AMER3: variants seen among roughly 807,000 people sequenced by gnomAD.
AMER3 encodes APC membrane recruitment protein 3.
For synonymous variants in AMER3, 541 were observed against 485.5 expected (o/e 1.11, Z -1.50); for missense variants, 1,201 against 1,139.4 (o/e 1.05, Z -0.78).
chr2:130,758,243 AGTCC>A lies in AMER3; in HGVS notation c.-20+2570_-20+2573del, dbSNP rs1235794226. Among the ~76,000 whole-genome samples, 3 of 152,310 alleles carry A rather than the reference AGTCC, an allele frequency of 2.0e-5. No individual in the cohort carries two copies. The East Asian group carries it at 5.8e-4, about 29-fold the overall frequency. On this transcript the variant is annotated intron_variant, in intron 1 of 1. Transcript: ENST00000321420. ...ACTGGGCGTGGTGGTGCGTGCCTGT[AGTCC>A]CAGCTATTCAGGAGGCTGAAGCAGG...
chr2:130,760,288 G>A (rs1458934057), intron 1 of AMER3, among the ~76,000 whole-genome samples: 1 of 152,200 alleles, frequency 6.6e-6, no homozygotes, highest in East Asian at 1.9e-4. Context: ...GGTGGAGCCT[G>A]GTCAGCTTGC....
Position 130,762,993 on chromosome 2 carries a change from C to T in AMER3, c.921C>T (p.Thr307=), listed in dbSNP as rs186201647. 1.1e-5 allele frequency: 17 copies of T among 1,613,326 alleles called. No homozygotes were observed. In the East Asian group the frequency reaches 3.3e-4, roughly 32 times the overall value. ...CCCAGAATGAAGCCTCTGACTTCAC[C>T]AGGTTCTGGGACAGTGTGAATCGCT... The part of the protein sequence containing the change: ...SPAQNEASDF[T]RFWDSVNRSV... The change falls in exon 2 of 2, where the codon ACC becomes ACT. Residue 307 remains threonine (T), a synonymous_variant. Coordinates refer to ENST00000321420, the MANE Select transcript of AMER3 (RefSeq NM_152698.3).
At chr2:130,760,355 A>G (rs987756305) in intron 1 of AMER3, among the ~76,000 whole-genome samples, 5 of 152,144 alleles carry the variant, frequency 3.3e-5, no homozygotes, top group African/African-American at 1.2e-4. Flanking sequence ...CTTGGCCTCA[A>G]CGTGCCCACT....
chr2:130,755,730 C>T (rs1678582088), intron 1 of AMER3, 56 bp downstream of exon 1: 1 of 152,390 alleles, frequency 6.6e-6, no homozygotes, highest in South Asian at 2.1e-4. Flanking sequence ...GAGTCAGGTC[C>T]CTTCTCCAAG....
intron 1 of AMER3, among the ~76,000 whole-genome samples, chr2:130,760,603 C>G (rs1678747551): frequency 6.6e-6 from 1 of 152,156 alleles, no homozygotes; most frequent in Admixed American, 6.5e-5. Flanking sequence ...GCAGTCTCTT[C>G]CTGGCCAGAC....
chr2:130,764,287 A>T lies in AMER3; in HGVS notation c.2215A>T (p.Ser739Cys). ...TTIHGLPYSASTQDQRCRDRV... is the reference protein window; with the variant it reads ...TTIHGLPYSACTQDQRCRDRV... ...CATCCATGGCCTACCCTACTCAGCC[A>T]GCACACAGGACCAGAGGTGTCGAGA... Residue 739 changes from serine (S) to cysteine (C), a missense_variant, in exon 2 of 2, where the codon AGC (serine) becomes TGC (cysteine). Transcript: ENST00000321420. 6.2e-7 allele frequency: 1 copy of T among 1,608,970 alleles called. No individual in the cohort carries two copies. Among genetic ancestry groups the T allele is most frequent in the Non-Finnish European group, 8.5e-7 (1 of 1,177,070 alleles).
intron 1 of AMER3, among the ~76,000 whole-genome samples, chr2:130,756,803 A>G (rs556789539): frequency 6.3e-4 from 95 of 151,756 alleles, no homozygotes; most frequent in African/African-American, 2.2e-3. Flanking sequence ...TTTCTGTTTT[A>G]TTCCCCATTC....
rs575101949 is a variant in AMER3 at position 130,760,416 on chromosome 2, C to T, written c.-19-1638C>T. On this transcript the variant is annotated intron_variant, in intron 1 of 1. Transcript: ENST00000321420. ...CCTGGGTCCTCATGAAGAAGCATTT[C>T]AGGGTCTCTGGCAGGTAGCTGCAAA... is the stretch of plus-strand genomic sequence containing the variant. Among the ~76,000 whole-genome samples the T allele has an allele frequency of 5.9e-5, 9 of 152,330 alleles. No individual in the cohort carries two copies. In the South Asian group the frequency reaches 1.9e-3, roughly 32 times the overall value.
Position 130,764,665 on chromosome 2 carries a change from C to G in AMER3, c.*7C>G. ...GGCTGAGCCCCATCTGTAGGACAGG[C>G]TCACATGCACCAGGAACTGCATGTG... On this transcript the variant is annotated 3_prime_UTR_variant, in exon 2 of 2. Transcript: ENST00000321420. 1 of 1,589,632 alleles carries G rather than the reference C, an allele frequency of 6.3e-7. No homozygotes were observed. Among genetic ancestry groups the G allele is most frequent in the Non-Finnish European group, 8.5e-7 (1 of 1,170,830 alleles).
chr2:130,763,000 T>C lies in AMER3; in HGVS notation c.928T>C (p.Trp310Arg). ...TGAAGCCTCTGACTTCACCAGGTTCTGGGACAGTGTGAATCGCTCAGTGCG... is the reference window on the plus strand; with the variant it reads ...TGAAGCCTCTGACTTCACCAGGTTCCGGGACAGTGTGAATCGCTCAGTGCG... ...QNEASDFTRF[W>R]DSVNRSVRQQ... is the part of the protein sequence containing the mutation. Residue 310 changes from tryptophan to arginine, a missense_variant, in exon 2 of 2, where the codon TGG becomes CGG. Transcript: ENST00000321420. The C allele has an allele frequency of 1.2e-6, 2 of 1,613,384 alleles. No individual in the cohort carries two copies. Among genetic ancestry groups the C allele is most frequent in the Non-Finnish European group, 1.7e-6 (2 of 1,179,990 alleles).
intron 1 of AMER3, among the ~76,000 whole-genome samples, chr2:130,760,273 G>A (rs2104775923): frequency 6.6e-6 from 1 of 152,322 alleles, no homozygotes; most frequent in East Asian, 1.9e-4. Flanking sequence ...CCTTGGGTGG[G>A]AGCGGGTGGA....
Position 130,763,953 on chromosome 2 carries a change from C to T in AMER3, c.1881C>T (p.Ser627=), listed in dbSNP as rs142507768. The part of the protein sequence containing the change: ...ESAATSTTDT[S]GKNKAPVPST... ...CAGCCACTTCGACAACAGATACTTC[C>T]GGTAAAAATAAGGCCCCAGTTCCTT... is the stretch of plus-strand genomic sequence containing the variant. The change falls in exon 2 of 2, where the codon TCC becomes TCT. Residue 627 remains serine (S), a synonymous_variant. Coordinates refer to ENST00000321420, the MANE Select transcript of AMER3 (RefSeq NM_152698.3). The T allele has an allele frequency of 2.0e-5, 32 of 1,613,786 alleles. No homozygotes were observed. The highest frequency in any genetic ancestry group is 5.3e-5 in the African/African-American group (4 of 75,072).
intron 1 of AMER3, among the ~76,000 whole-genome samples, chr2:130,758,176 G>A (rs1481418161): frequency 6.6e-6 from 1 of 150,680 alleles, no homozygotes; most frequent in African/African-American, 2.4e-5. Context: ...TGGCCAACAT[G>A]ATGAAACCCC....
chr2:130,758,820 T>C (rs1456935391), intron 1 of AMER3, among the ~76,000 whole-genome samples: 1 of 152,142 alleles, frequency 6.6e-6, no homozygotes, highest in Non-Finnish European at 1.5e-5. Flanking sequence ...CACTGACGGG[T>C]CTATAGCCAC....
chr2:130,756,521 C>G (rs937473456), intron 1 of AMER3: 2 of 152,520 alleles, frequency 1.3e-5, no homozygotes, highest in African/African-American at 4.8e-5. Context: ...TCGACACCCT[C>G]CACCCAGCGG....
At chr2:130,758,944 C>G (rs1678699662) in intron 1 of AMER3, among the ~76,000 whole-genome samples, 1 of 152,240 alleles carries the variant, frequency 6.6e-6, no homozygotes, top group South Asian at 2.1e-4. Flanking sequence ...CCATTCTGCC[C>G]CAGAGAATTG....
chr2:130,766,085 A>AT lies in AMER3; in HGVS notation c.*1432dup, dbSNP rs1491497088. 6.0e-6 allele frequency: 1 copy of AT among 167,128 alleles called. No individual in the cohort carries two copies. The highest frequency in any genetic ancestry group is 1.9e-4 in the East Asian group (1 of 5,196). The allele number at this position is 167,128 out of a possible 1,614,324, so 10.4% of individuals were successfully genotyped here. A position where few individuals can be genotyped will look rare whatever the true frequency, so the allele number is the denominator to read the frequency against. ...ATGATGCAACTATCCCGGGATTGTGATTTTTAAGACTTTAGATGTTAGGGA... is the reference window on the plus strand; with the variant it reads ...ATGATGCAACTATCCCGGGATTGTGATTTTTTAAGACTTTAGATGTTAGGGA... On this transcript the variant is annotated 3_prime_UTR_variant, in exon 2 of 2. Transcript: ENST00000321420.
rs928920537 is a variant in AMER3 at position 130,764,855 on chromosome 2, C to A, written c.*197C>A. The A allele has an allele frequency of 2.9e-6, 2 of 690,874 alleles. No homozygotes were observed. The highest frequency in any genetic ancestry group is 3.0e-5 in the Admixed American group (1 of 33,092). 42.8% of individuals were successfully genotyped at this position (690,874 alleles called of 1,614,324 possible). Reference sequence around the variant, plus strand: ...GAACCCACCAGCTCAGGCAGCCCACCGCCAAAGACAGCGCGAAGCTGCAAC... The same window carrying A: ...GAACCCACCAGCTCAGGCAGCCCACAGCCAAAGACAGCGCGAAGCTGCAAC... On this transcript the variant is annotated 3_prime_UTR_variant, in exon 2 of 2. Transcript: ENST00000321420.
intron 1 of AMER3, among the ~76,000 whole-genome samples, chr2:130,760,879 G>T (rs189077324): frequency 6.6e-6 from 1 of 152,058 alleles, no homozygotes; most frequent in South Asian, 2.1e-4. Flanking sequence ...TTCCCTCCTC[G>T]AGCTGTCCCA....
Sources: gnomAD v4.1 joint callset for allele counts (sites outside exome capture counted in the v4.1 genomes callset) on GRCh38, gnomAD v4.1.1 for gene constraint, MANE v1.5 for transcripts, NCBI Gene and HGNC (gene_info 2026-07-23, HGNC 2026-07-21) for gene names.